Variants in SLC10A7 observed in about 807,000 individuals in gnomAD.
SLC10A7 encodes the protein sodium/bile acid cotransporter 7.
A neutral mutation model predicts 43.2 loss-of-function variants in SLC10A7; 29 were observed. That is an observed-to-expected ratio of 0.67 (90% CI 0.50 to 0.92). The LOEUF is 0.92. SLC10A7 is among the 40% of genes least tolerant of loss of function. The pLI is 0.00. For synonymous variants in SLC10A7, 152 were observed against 144.8 expected (o/e 1.05, Z -0.35); for missense variants, 295 against 403.2 (o/e 0.73, Z 2.30).
intron 6 of SLC10A7, among the ~76,000 whole-genome samples, chr4:146,320,887 G>A (rs1732662387): frequency 6.6e-6 from 1 of 152,010 alleles, no homozygotes. Flanking sequence ...AATTGGCAAT[G>A]AGGTACAAGG....
At chr4:146,257,402 T>C (rs932934188) in intron 11 of SLC10A7, among the ~76,000 whole-genome samples, 23 of 152,198 alleles carry the variant, frequency 1.5e-4, no homozygotes, top group Admixed American at 6.5e-5. Flanking sequence ...CCTGGGTGCC[T>C]AGGGCAAACC....
At chr4:146,336,199 T>C (rs907800802) in intron 5 of SLC10A7, among the ~76,000 whole-genome samples, 2 of 152,120 alleles carry the variant, frequency 1.3e-5, no homozygotes, top group Non-Finnish European at 1.5e-5. Context: ...CCAAAGACAA[T>C]AGGTAAACAA....
Position 146,329,884 on chromosome 4 carries a change from T to C in SLC10A7, c.436-3888A>G, listed in dbSNP as rs79895374. 6.7e-3 allele frequency among the ~76,000 whole-genome samples: 1,020 copies of C among 152,328 alleles called. 14 individuals carry two copies. Among genetic ancestry groups the C allele is most frequent in the African/African-American group, 0.023 (949 of 41,564 alleles). ...ATGCAGCTCAATTTAATTATTTCTC[T>C]TTTCTCTTTCCTAAGTAAATTCTCC... On this transcript the variant is annotated intron_variant, in intron 5 of 11. Coordinates refer to ENST00000335472, the MANE Select transcript of SLC10A7 (RefSeq NM_001029998.6).
intron 6 of SLC10A7, among the ~76,000 whole-genome samples, chr4:146,318,167 C>T (rs1180216221): frequency 3.3e-5 from 5 of 150,988 alleles, no homozygotes; most frequent in Non-Finnish European, 7.4e-5. Context: ...TATTTTATTA[C>T]TTTGTTAGTA....
chr4:146,273,691 A>T (rs530124658), intron 10 of SLC10A7, among the ~76,000 whole-genome samples: 1 of 152,210 alleles, frequency 6.6e-6, no homozygotes, highest in African/African-American at 2.4e-5. Context: ...TTAGCAGTCT[A>T]CCAGGACTGG....
intron 5 of SLC10A7, among the ~76,000 whole-genome samples, chr4:146,398,890 A>G (rs1340294977): frequency 6.6e-6 from 1 of 152,226 alleles, no homozygotes; most frequent in African/African-American, 2.4e-5. Context: ...TTTAGCACAT[A>G]CTAGGTGCCA....
At chr4:146,410,124 A>G (rs1180584571) in intron 5 of SLC10A7, among the ~76,000 whole-genome samples, 1 of 152,148 alleles carries the variant, frequency 6.6e-6, no homozygotes, top group Non-Finnish European at 1.5e-5. Context: ...AGGTAGTATT[A>G]TTTTTCTCCA....
rs555838736 is a variant in SLC10A7, at chr4:146,479,606, G to C, written c.396+24243C>G. Among the ~76,000 whole-genome samples the C allele has an allele frequency of 2.6e-5, 4 of 152,246 alleles. No individual in the cohort carries two copies. The East Asian group carries it at 7.7e-4, about 29-fold the overall frequency. On this transcript the variant is annotated intron_variant, in intron 4 of 11. Coordinates refer to ENST00000335472, the MANE Select transcript of SLC10A7 (RefSeq NM_001029998.6). Reference sequence around the variant, plus strand: ...AAAAAGTAGACTGGTAGTTGCCAGAGGGTGGGGGAAGGGAGTATGGAGACC... The same window carrying C: ...AAAAAGTAGACTGGTAGTTGCCAGACGGTGGGGGAAGGGAGTATGGAGACC...
intron 5 of SLC10A7, among the ~76,000 whole-genome samples, chr4:146,406,059 T>C (rs1372405369): frequency 6.6e-6 from 1 of 152,146 alleles, no homozygotes; most frequent in Non-Finnish European, 1.5e-5. Context: ...CATAGAACAA[T>C]TGGGAGCTGT....
intron 1 of SLC10A7, 25 bp from the exon 2 acceptor site, chr4:146,517,145 G>C (rs1385538083): frequency 6.4e-7 from 1 of 1,555,680 alleles, no homozygotes; most frequent in Non-Finnish European, 8.8e-7. Flanking sequence ...AAGAGTTATT[G>C]CTAGAAAAGA....
intron 10 of SLC10A7, among the ~76,000 whole-genome samples, chr4:146,281,277 G>A (rs1032202672): frequency 2.0e-5 from 3 of 151,980 alleles, no homozygotes; most frequent in East Asian, 1.9e-4. Flanking sequence ...CTGAGTATGC[G>A]TTTTGCTCTT....
At chr4:146,457,638 T>C (rs1265390685) in intron 4 of SLC10A7, among the ~76,000 whole-genome samples, 1 of 151,970 alleles carries the variant, frequency 6.6e-6, no homozygotes, top group African/African-American at 2.4e-5. Flanking sequence ...CAGACATTTC[T>C]AATGTCAGGA....
chr4:146,342,889 T>A (rs1004715357), intron 5 of SLC10A7, among the ~76,000 whole-genome samples: 14 of 151,800 alleles, frequency 9.2e-5, no homozygotes, highest in Admixed American at 3.9e-4. Flanking sequence ...ACATTAAATA[T>A]TTTTTATAGA....
chr4:146,385,874 A>G (rs1737956815), intron 5 of SLC10A7, among the ~76,000 whole-genome samples: 1 of 152,204 alleles, frequency 6.6e-6, no homozygotes, highest in Non-Finnish European at 1.5e-5. Flanking sequence ...TTCTTGCATT[A>G]ACTCACTTAG....
intron 4 of SLC10A7, among the ~76,000 whole-genome samples, chr4:146,446,668 G>A (rs1451112052): frequency 6.6e-6 from 1 of 151,478 alleles, no homozygotes; most frequent in Non-Finnish European, 1.5e-5. Flanking sequence ...CTCACCCTAA[G>A]CACCCACTTG....
intron 5 of SLC10A7, among the ~76,000 whole-genome samples, chr4:146,396,301 A>G (rs990830168): frequency 2.0e-5 from 3 of 152,190 alleles, no homozygotes; most frequent in Non-Finnish European, 4.4e-5. Flanking sequence ...AAACACAGAT[A>G]CTCATAGAAA....
chr4:146,325,417 G>T (rs538417026), intron 6 of SLC10A7, among the ~76,000 whole-genome samples: 1 of 152,138 alleles, frequency 6.6e-6, no homozygotes, highest in Non-Finnish European at 1.5e-5. Context: ...AACTAGAAGC[G>T]TGTATTGATT....
chr4:146,433,693 C>T (rs1729969369), intron 5 of SLC10A7, among the ~76,000 whole-genome samples: 1 of 151,682 alleles, frequency 6.6e-6, no homozygotes, highest in South Asian at 2.1e-4. Flanking sequence ...TAGCGAGATC[C>T]CATCTCTATA....
intron 5 of SLC10A7, among the ~76,000 whole-genome samples, chr4:146,354,619 C>T (rs1326887120): frequency 6.7e-6 from 1 of 150,300 alleles, no homozygotes; most frequent in Non-Finnish European, 1.5e-5. Flanking sequence ...GGAGGCATCA[C>T]ACTACCTGAC....
Sources: allele counts gnomAD v4.1 joint callset (sites outside exome capture counted in the v4.1 genomes callset), GRCh38; gene constraint gnomAD v4.1.1; transcripts MANE v1.5; gene names NCBI Gene and HGNC (gene_info 2026-07-23, HGNC 2026-07-21).